Variants in ACSBG1 observed in about 807,000 individuals in gnomAD.
ACSBG1 encodes long-chain-fatty-acid--CoA ligase ACSBG1.
In ACSBG1, 39 loss-of-function variants were observed where a neutral mutation model predicts 80.2. That is an observed-to-expected ratio of 0.49 (90% CI 0.38 to 0.64). ACSBG1 has a LOEUF of 0.64. ACSBG1 is among the 30% of genes least tolerant of loss of function. The pLI is 0.00. For synonymous variants in ACSBG1, 392 were observed against 379.5 expected (o/e 1.03, Z -0.38); for missense variants, 828 against 966.4 (o/e 0.86, Z 1.90).
chr15:78,184,406 C>T (rs1383866967), intron 5 of ACSBG1, among the ~76,000 whole-genome samples: 1 of 151,752 alleles, frequency 6.6e-6, no homozygotes, highest in Non-Finnish European at 1.5e-5. Context: ...TGATCTTGAA[C>T]TCCTGGGCTC....
intron 1 of ACSBG1, among the ~76,000 whole-genome samples, chr15:78,222,349 G>C (rs557235998): frequency 6.6e-6 from 1 of 152,276 alleles, no homozygotes; most frequent in African/African-American, 2.4e-5. Context: ...TCCTTTTTAA[G>C]ATAATGAAAA....
intron 2 of ACSBG1, among the ~76,000 whole-genome samples, chr15:78,205,456 G>C (rs2075204770): frequency 6.6e-6 from 1 of 152,182 alleles, no homozygotes; most frequent in African/African-American, 2.4e-5. Flanking sequence ...GGGCTGGCCA[G>C]ACTTGTGGGG....
rs759135574 is a variant in ACSBG1, at chr15:78,194,679, T to C, written c.280A>G (p.Ile94Val). The C allele has an allele frequency of 1.6e-5, 26 of 1,613,708 alleles. No homozygotes were observed. Among genetic ancestry groups the C allele is most frequent in the Admixed American group, 8.3e-5 (5 of 60,000 alleles). The change falls in exon 3 of 14, where the codon ATA becomes GTA. Residue 94 changes from isoleucine to valine, a missense_variant. Transcript: ENST00000258873. ...GGAAGCTGTGGGCAGCTGGGGTCTA[T>C]GCGCAGGCGCACCCGCCCATCGGCC... The part of the protein sequence containing the change: ...TRADGRVRLR[I>V]DPSCPQLPYT...
At chr15:78,215,774 GAAAGAAAGAA>G (rs1408718043) in intron 1 of ACSBG1, among the ~76,000 whole-genome samples, 56 of 146,604 alleles carry the variant, frequency 3.8e-4, no homozygotes, top group African/African-American at 1.4e-3. Context: ...AAGAAAGAAA[GAAAGAAAGAA>G]AGAGAAAGAA....
chr15:78,173,802 T>C lies in ACSBG1; in HGVS notation c.1880A>G (p.Asn627Ser), dbSNP rs1174347243. 1 of 1,613,998 alleles carries C rather than the reference T, an allele frequency of 6.2e-7. No homozygotes were observed. Among genetic ancestry groups the C allele is most frequent in the Non-Finnish European group, 8.5e-7 (1 of 1,180,000 alleles). The change falls in exon 13 of 14, where the codon AAT (asparagine) becomes AGT (serine). Residue 627 changes from asparagine to serine, a missense_variant. Around this residue, in one of 3 missense-constraint regions of ACSBG1, gnomAD observed 201 missense variants for 227.0 expected, o/e 0.89. Transcript: ENST00000258873. The stretch of plus-strand genomic sequence containing the variant: ...GAACTCCATAGCTTGTTCAGTCAGA[T>C]TATCAGTCTGGTCAGAGGTGTCTGG... ...LDPDTSDQTD[N>S]LTEQAMEFCQ...
At chr15:78,224,972 A>T (rs915246218) in intron 1 of ACSBG1, among the ~76,000 whole-genome samples, 1 of 141,772 alleles carries the variant, frequency 7.1e-6, no homozygotes, top group African/African-American at 2.5e-5. Context: ...TTTTGAACAT[A>T]AAAGTCTTAG....
intron 12 of ACSBG1, 38 bp downstream of exon 12, chr15:78,174,346 AC>A: frequency 6.2e-7 from 1 of 1,613,832 alleles, no homozygotes; most frequent in Non-Finnish European, 8.5e-7. Flanking sequence ...AGACCCCCTC[AC>A]TGGCTGCTCC....
chr15:78,215,770 GAA>G (rs1185694118), intron 1 of ACSBG1, among the ~76,000 whole-genome samples: 2 of 149,410 alleles, frequency 1.3e-5, no homozygotes, highest in African/African-American at 2.5e-5. Context: ...AAGAAAGAAA[GAA>G]AGAAAGAAAG....
intron 11 of ACSBG1, 108 bp from the exon 12 acceptor site, chr15:78,174,632 T>C (rs561150943): frequency 7.4e-7 from 1 of 1,355,008 alleles, no homozygotes; most frequent in African/African-American, 1.5e-5. Flanking sequence ...CAGCTGGAGA[T>C]GCCCCCTTTC....
chr15:78,178,987 G>C lies in ACSBG1; in HGVS notation c.1485-156C>G. 1 of 694,742 alleles carries C rather than the reference G, an allele frequency of 1.4e-6. No individual in the cohort carries two copies. 43.0% of individuals were successfully genotyped at this position (694,742 alleles called of 1,614,324 possible). On this transcript the variant is annotated intron_variant, in intron 10 of 13. Transcript: ENST00000258873. The surrounding 1 kb of genome is among the most constrained non-coding windows in gnomAD (Gnocchi z 4.3). ...TTTTACAGGGGACTTACAGCTGAAA[G>C]GTAGAGCCAAGTAAAGGGTTTTAGG...
At chr15:78,192,657 T>A (rs915388610) in intron 5 of ACSBG1, among the ~76,000 whole-genome samples, 1 of 152,198 alleles carries the variant, frequency 6.6e-6, no homozygotes, top group African/African-American at 2.4e-5. Flanking sequence ...CTTTCAGGCT[T>A]CAGGAAACTT....
At chr15:78,232,977 G>A (rs1270362566) in intron 1 of ACSBG1, among the ~76,000 whole-genome samples, 1 of 152,194 alleles carries the variant, frequency 6.6e-6, no homozygotes, top group Non-Finnish European at 1.5e-5. Flanking sequence ...CATCATGCAT[G>A]GCCTCTGGAC....
intron 5 of ACSBG1, among the ~76,000 whole-genome samples, chr15:78,186,838 T>C (rs550318906): frequency 1.2e-4 from 19 of 152,054 alleles, no homozygotes; most frequent in Non-Finnish European, 2.8e-4. Flanking sequence ...CAGAACTGAA[T>C]GAAATAGAGA....
At chr15:78,194,458 A>C in intron 3 of ACSBG1, 48 bp downstream of exon 3, 1 of 1,570,806 alleles carries the variant, frequency 6.4e-7, no homozygotes, top group South Asian at 1.1e-5. Context: ...CAGAGCTGGG[A>C]GGCACATCTG....
At chr15:78,196,844 T>C (rs982736529) in intron 2 of ACSBG1, among the ~76,000 whole-genome samples, 2 of 151,756 alleles carry the variant, frequency 1.3e-5, no homozygotes, top group Admixed American at 6.6e-5. Flanking sequence ...AGGCGGGGTA[T>C]CACTTGAGCC....
intron 1 of ACSBG1, among the ~76,000 whole-genome samples, chr15:78,223,858 G>C (rs1366801021): frequency 6.6e-6 from 1 of 152,210 alleles, no homozygotes; most frequent in Non-Finnish European, 1.5e-5. Flanking sequence ...GGAGCAGAGA[G>C]AGATTTGACA....
At position 78,181,977 on chromosome 15, in the gene ACSBG1, C is replaced by T. The variant is rs780563745; in HGVS notation, c.1063G>A (p.Ala355Thr). 6.8e-6 allele frequency: 11 copies of T among 1,613,594 alleles called. No individual in the cohort carries two copies. The highest frequency in any genetic ancestry group is 3.3e-4 in the Middle Eastern group (2 of 6,060). Residue 355 changes from alanine to threonine, a missense_variant, in exon 8 of 14, where the codon GCC (alanine) becomes ACC (threonine). By Grantham distance (58) the Ala-to-Thr change is moderately conservative. Transcript: ENST00000258873. ...GGTAAAGGCAGACTGACCTTCAGGG[C>T]GTCGGGTTCGGCAAAGCAAACCTGG... ...GAQVCFAEPD[A>T]LKGSLVNTLR...
At position 78,172,349 on chromosome 15, in the gene ACSBG1, G is replaced by A. The variant is rs758408067; in HGVS notation, c.2090-820C>T. ...GCATTTTTGTGAACGTTTATACAAC[G>A]TTGGACATTATGCTTTGATGGTTGT... On this transcript the variant is annotated intron_variant, in intron 13 of 13. Coordinates refer to ENST00000258873, the MANE Select transcript of ACSBG1 (RefSeq NM_015162.5). This position sits in a 1 kb window ranked among gnomAD's most constrained non-coding sequence, Gnocchi z 4.1. Among the ~76,000 whole-genome samples the A allele has an allele frequency of 3.9e-5, 6 of 152,238 alleles. No individual in the cohort carries two copies. The highest frequency in any genetic ancestry group is 7.3e-5 in the Non-Finnish European group (5 of 68,038).
intron 11 of ACSBG1, among the ~76,000 whole-genome samples, chr15:78,176,121 T>C (rs376175765): frequency 6.6e-6 from 1 of 152,332 alleles, no homozygotes; most frequent in East Asian, 1.9e-4. Flanking sequence ...TTGCCCAGGC[T>C]GGTCTCGAAT....
Sources: gnomAD v4.1 joint callset for allele counts (sites outside exome capture counted in the v4.1 genomes callset) on GRCh38, gnomAD v4.1.1 for gene constraint, gnomAD v4.1.1 regional missense constraint, Gnocchi (gnomAD v3.1) non-coding constraint, MANE v1.5 for transcripts, NCBI Gene and HGNC (gene_info 2026-07-23, HGNC 2026-07-21) for gene names.